BDP1: variants seen among roughly 807,000 people sequenced by gnomAD.
BDP1 encodes transcription factor TFIIIB component B'' homolog.
BDP1 carries 169 observed loss-of-function variants against 266.6 expected under a neutral mutation model. That is an observed-to-expected ratio of 0.63 (90% CI 0.56 to 0.72). BDP1 has a LOEUF of 0.72. Among genes scored for constraint, BDP1 ranks in the 30% least tolerant of loss-of-function variants. BDP1 has a pLI of 0.00. For synonymous variants in BDP1, 1,090 were observed against 1,022.4 expected (o/e 1.07, Z -1.26); for missense variants, 3,015 against 3,053.8 (o/e 0.99, Z 0.30).
At position 71,523,056 on chromosome 5, in the gene BDP1, CA is replaced by C. The variant is rs1289158032; in HGVS notation, c.5387+108del. 1.5e-5 allele frequency: 11 copies of C among 757,760 alleles called. No individual in the cohort carries two copies. In the East Asian group the frequency reaches 3.1e-4, roughly 21 times the overall value. The allele number at this position is 757,760 out of a possible 1,614,324, so 46.9% of individuals were successfully genotyped here. On this transcript the variant is annotated intron_variant, in intron 24 of 38. Transcript: ENST00000358731. ...ATTTTTGGGTGTTGAGTCCATTAGACATGGGTAGAAACTTGACCAAAGAGGA... is the reference window on the plus strand; with the variant it reads ...ATTTTTGGGTGTTGAGTCCATTAGACTGGGTAGAAACTTGACCAAAGAGGA...
chr5:71,483,713 T>C (rs549994368), intron 7 of BDP1, 129 bp from the exon 8 acceptor site: 3 of 660,534 alleles, frequency 4.5e-6, no homozygotes, highest in Admixed American at 3.2e-5. Context: ...AACTTGCCTA[T>C]TGGCAAAGAC....
rs554994082 is a variant in BDP1, at chr5:71,503,043, C to T, written c.2241+252C>T. Among the ~76,000 whole-genome samples, 229 of 139,738 alleles carry T rather than the reference C, an allele frequency of 1.6e-3. 1 individual carries two copies. The highest frequency in any genetic ancestry group is 5.9e-3 in the African/African-American group (222 of 37,318). The allele number at this position is 139,738 out of a possible 152,430, so 91.7% of individuals were successfully genotyped here. A position where few individuals can be genotyped will look rare whatever the true frequency, so the allele number is the denominator to read the frequency against. On this transcript the variant is annotated intron_variant, in intron 15 of 38. Coordinates refer to ENST00000358731, the MANE Select transcript of BDP1 (RefSeq NM_018429.3). ...TCGTGCCACCGCACTCCAGCCTAGG[C>T]GACAGAGCAAGACTCTGTCTCAAAA... is the stretch of plus-strand genomic sequence containing the variant.
chr5:71,514,869 C>T, intron 19 of BDP1, 75 bp from the exon 20 acceptor site: 2 of 994,244 alleles, frequency 2.0e-6, no homozygotes, highest in Non-Finnish European at 2.9e-6. Flanking sequence ...AAGATGATAT[C>T]AGTTTATACT....
At chr5:71,494,923 C>T (rs1295368772) in intron 11 of BDP1, 2 of 164,592 alleles carry the variant, frequency 1.2e-5, no homozygotes, top group Non-Finnish European at 2.6e-5. Flanking sequence ...GTTCCAAACT[C>T]CTGGCCTCAA....
At chr5:71,531,789 G>A (rs1766260759) in intron 25 of BDP1, among the ~76,000 whole-genome samples, 1 of 152,122 alleles carries the variant, frequency 6.6e-6, no homozygotes, top group Non-Finnish European at 1.5e-5. Flanking sequence ...GATTACAGGC[G>A]TGAGCCACTG....
rs772275957 is a variant in BDP1 at position 71,549,600 on chromosome 5, A to G, written c.6989A>G (p.Asp2330Gly). Residue 2330 changes from aspartate to glycine, a missense_variant, in exon 34 of 39, where the codon GAC becomes GGC. This residue lies in a region of BDP1 where 629 missense variants were observed against 632.5 expected (regional missense o/e 0.99). Coordinates refer to ENST00000358731, the MANE Select transcript of BDP1 (RefSeq NM_018429.3). ...VKSVNTEERG[D>G]MSICLPATSV... ...TCAGTGAATACCGAAGAAAGGGGTG[A>G]CATGAGGTAACGAATGAGTGAAACT... 2 of 1,598,812 alleles carry G rather than the reference A, an allele frequency of 1.3e-6. No individual in the cohort carries two copies. The highest frequency in any genetic ancestry group is 8.5e-7 in the Non-Finnish European group (1 of 1,172,714).
downstream of BDP1, among the ~76,000 whole-genome samples, chr5:71,572,615 T>G (rs1433668212): frequency 2.0e-5 from 3 of 152,324 alleles, no homozygotes; most frequent in East Asian, 5.8e-4. Context: ...AAACATTATG[T>G]GCAGTTGCTT....
intron 25 of BDP1, among the ~76,000 whole-genome samples, chr5:71,525,007 A>C (rs276588): frequency 0.41 from 60,076 of 148,276 alleles, 11,783 homozygotes; most frequent in South Asian, 0.46. Flanking sequence ...AGTACAGAAC[A>C]AAATGAAAAG....
chr5:71,489,784 T>C (rs1763479286), intron 10 of BDP1, 102 bp downstream of exon 10: 2 of 952,862 alleles, frequency 2.1e-6, no homozygotes, highest in South Asian at 3.4e-5. Context: ...CAATTAATGA[T>C]GCTTATTAAT....
chr5:71,543,849 CAA>C, intron 30 of BDP1, among the ~76,000 whole-genome samples: 1 of 152,300 alleles, frequency 6.6e-6, no homozygotes, highest in Middle Eastern at 3.4e-3. Context: ...GGGTTATTCA[CAA>C]TATTGCACTA....
intron 26 of BDP1, chr5:71,537,843 A>G (rs1766726622): frequency 6.3e-6 from 1 of 158,240 alleles, no homozygotes; most frequent in African/African-American, 2.4e-5. Flanking sequence ...CCTCTTGGGC[A>G]TCTTGTGGTC....
chr5:71,500,295 T>C (rs1764146722), intron 13 of BDP1, among the ~76,000 whole-genome samples: 1 of 150,816 alleles, frequency 6.6e-6, no homozygotes, highest in Non-Finnish European at 1.5e-5. Flanking sequence ...TTTTTTTCTT[T>C]GAAGTGTTGT....
intron 14 of BDP1, among the ~76,000 whole-genome samples, chr5:71,502,304 A>G (rs569216446): frequency 6.7e-6 from 1 of 149,880 alleles, no homozygotes; most frequent in East Asian, 2.0e-4. Context: ...CCTCCCAAGT[A>G]GCTGATATTG....
chr5:71,562,747 A>AC (rs1561795895), intron 38 of BDP1: 2 of 1,437,116 alleles, frequency 1.4e-6, no homozygotes, highest in Non-Finnish European at 1.8e-6. Context: ...CCATAAATGG[A>AC]CACTTAATAG....
intron 30 of BDP1, among the ~76,000 whole-genome samples, chr5:71,543,756 G>C (rs538447830): frequency 6.6e-6 from 1 of 152,266 alleles, no homozygotes; most frequent in African/African-American, 2.4e-5. Flanking sequence ...AAGCAATTCA[G>C]CTTTTTCTTA....
At chr5:71,490,685 A>C (rs931339538) in intron 10 of BDP1, among the ~76,000 whole-genome samples, 1 of 152,196 alleles carries the variant, frequency 6.6e-6, no homozygotes, top group African/African-American at 2.4e-5. Context: ...CTGAAGGAGC[A>C]AAAGAATAGT....
chr5:71,526,768 A>G (rs6868179), intron 25 of BDP1, among the ~76,000 whole-genome samples: 352 of 144,044 alleles, frequency 2.4e-3, no homozygotes, highest in Middle Eastern at 0.011. Context: ...GCTCATTGCA[A>G]CCTCCACCTC....
rs1743869681 is a variant in BDP1 at position 71,564,087 on chromosome 5, T to TA, written c.7744-666dup. 2.0e-5 allele frequency among the ~76,000 whole-genome samples: 3 copies of TA among 152,320 alleles called. No homozygotes were observed. In the South Asian group the frequency reaches 6.2e-4, roughly 32 times the overall value. ...CTTTTTTCCCCCTGAGATGGTTATA[T>TA]AGTTGTCCAACATCATTTATTTAAT... On this transcript the variant is annotated intron_variant, in intron 38 of 38. Coordinates refer to ENST00000358731, the MANE Select transcript of BDP1 (RefSeq NM_018429.3).
At chr5:71,479,987 C>T (rs1255609155) in intron 7 of BDP1, among the ~76,000 whole-genome samples, 2 of 152,024 alleles carry the variant, frequency 1.3e-5, no homozygotes, top group Non-Finnish European at 1.5e-5. Flanking sequence ...CTATGTCACC[C>T]AGTCTAGAGT....
Sources: gnomAD v4.1 joint callset for allele counts (sites outside exome capture counted in the v4.1 genomes callset) on GRCh38, gnomAD v4.1.1 for gene constraint, gnomAD v4.1.1 regional missense constraint, MANE v1.5 for transcripts, NCBI Gene and HGNC (gene_info 2026-07-23, HGNC 2026-07-21) for gene names.